FNDC3A: variants seen among roughly 807,000 people sequenced by gnomAD.
FNDC3A encodes the protein fibronectin type-III domain-containing protein 3A.
Under a neutral mutation model 148.9 loss-of-function variants are expected in FNDC3A, and 32 were observed. That is an observed-to-expected ratio of 0.21 (90% CI 0.16 to 0.29). The LOEUF is 0.29. Ranked by LOEUF, FNDC3A falls within the 10% of genes least tolerant of loss-of-function variation. The pLI is 1.00. For missense variants in FNDC3A, 1,191 were observed against 1,452.8 expected (o/e 0.82, Z 2.93); for synonymous variants, 472 against 473.6 (o/e 1.00, Z 0.04).
intron 4 of FNDC3A, among the ~76,000 whole-genome samples, chr13:49,123,061 C>T (rs1201614408): frequency 6.6e-6 from 1 of 152,100 alleles, no homozygotes; most frequent in East Asian, 1.9e-4. Flanking sequence ...AGAAAAAGAA[C>T]AGGGCTGGAG....
At chr13:49,083,760 G>A (rs1878632464) in intron 3 of FNDC3A, among the ~76,000 whole-genome samples, 1 of 152,178 alleles carries the variant, frequency 6.6e-6, no homozygotes, top group Admixed American at 6.5e-5. Flanking sequence ...AACAGCTATG[G>A]CTGTATAAAA....
rs1882376743 is a variant in FNDC3A, at chr13:49,136,599, A to G, written c.758A>G (p.Glu253Gly). The change falls in exon 6 of 26, where the codon GAA (glutamate) becomes GGA (glycine). Residue 253 changes from glutamate (E) to glycine (G), a missense_variant and splice_region_variant. Transcript: ENST00000492622. ...KGGTQVDTEI[E>G]EKDEETKAFE... ...GGTACACAAGTTGATACAGAAATTGAAGGTAACTGTTTGAAGTACTGAACT... is the reference window on the plus strand; with the variant it reads ...GGTACACAAGTTGATACAGAAATTGGAGGTAACTGTTTGAAGTACTGAACT... 1 of 1,611,296 alleles carries G rather than the reference A, an allele frequency of 6.2e-7. No individual in the cohort carries two copies. Among genetic ancestry groups the G allele is most frequent in the African/African-American group, 1.3e-5 (1 of 74,876 alleles).
At chr13:49,195,777 C>T (rs1057343970) in intron 19 of FNDC3A, among the ~76,000 whole-genome samples, 5 of 152,096 alleles carry the variant, frequency 3.3e-5, no homozygotes, top group Non-Finnish European at 7.4e-5. Flanking sequence ...GTTTTCGTAG[C>T]TGGCTGGGCC....
At chr13:49,038,959 G>C (rs1874711962) in intron 2 of FNDC3A, among the ~76,000 whole-genome samples, 1 of 152,116 alleles carries the variant, frequency 6.6e-6, no homozygotes, top group African/African-American at 2.4e-5. Context: ...TCACCCTCCA[G>C]AGAGGGACCT....
At chr13:49,064,532 A>G (rs1877131101) in intron 2 of FNDC3A, among the ~76,000 whole-genome samples, 1 of 151,954 alleles carries the variant, frequency 6.6e-6, no homozygotes, top group South Asian at 2.1e-4. Flanking sequence ...CACTGAGAGT[A>G]TTCTCCAAAG....
intron 5 of FNDC3A, among the ~76,000 whole-genome samples, chr13:49,134,839 C>CTTTT: frequency 2.4e-4 from 1 of 4,208 alleles, no homozygotes; most frequent in Non-Finnish European, 4.7e-4. Context: ...TGGAGTTTCA[C>CTTTT]TCTTTTTTTT....
chr13:49,126,473 C>T lies in FNDC3A; in HGVS notation c.253-4664C>T, dbSNP rs548251775. ...GCTCTCCATTTTCCTCTCCCCTAAGCTTATCTTTGTATTTTAAATGTTCTT... is the reference window on the plus strand; with the variant it reads ...GCTCTCCATTTTCCTCTCCCCTAAGTTTATCTTTGTATTTTAAATGTTCTT... On this transcript the variant is annotated intron_variant, in intron 4 of 25. Transcript: ENST00000492622. Among the ~76,000 whole-genome samples the T allele has an allele frequency of 2.0e-3, 298 of 152,242 alleles. 1 individual carries two copies. Among genetic ancestry groups the T allele is most frequent in the Non-Finnish European group, 3.8e-3 (255 of 67,996 alleles).
chr13:49,169,849 A>G (rs1884663703), intron 10 of FNDC3A, among the ~76,000 whole-genome samples: 2 of 152,200 alleles, frequency 1.3e-5, no homozygotes, highest in Non-Finnish European at 2.9e-5. Context: ...GCAGCTGTGT[A>G]TATATACATA....
At chr13:49,071,413 ATATGGTAGTTCTATTGT>A in intron 2 of FNDC3A, among the ~76,000 whole-genome samples, 1 of 152,258 alleles carries the variant, frequency 6.6e-6, no homozygotes, top group Non-Finnish European at 1.5e-5. Context: ...TTGCTGGGTC[ATATGGTAGTTCTATTGT>A]TTGTGTTTTG....
At chr13:49,178,781 C>A in intron 14 of FNDC3A, 127 bp downstream of exon 14, 1 of 536,408 alleles carries the variant, frequency 1.9e-6, no homozygotes, top group Non-Finnish European at 3.2e-6. Context: ...GTCACCCAAG[C>A]TGCTGCAGTG....
At chr13:49,112,795 G>A (rs1880659618) in intron 3 of FNDC3A, among the ~76,000 whole-genome samples, 1 of 152,044 alleles carries the variant, frequency 6.6e-6, no homozygotes. Flanking sequence ...GAATGATTAT[G>A]AGGAGAAAAA....
intron 1 of FNDC3A, among the ~76,000 whole-genome samples, chr13:48,979,480 A>T (rs1951661057): frequency 6.6e-6 from 1 of 152,122 alleles, no homozygotes; most frequent in Non-Finnish European, 1.5e-5. Flanking sequence ...AGTTGGAAGT[A>T]GTAGTAGAAT....
At position 49,188,614 on chromosome 13, in the gene FNDC3A, G is replaced by C; in HGVS notation, c.1925G>C (p.Ser642Thr). The C allele has an allele frequency of 6.2e-7, 1 of 1,610,664 alleles. No individual in the cohort carries two copies. ...CFYRLRVYCI[S>T]DGGQSAVSES... is the part of the protein sequence containing the mutation. ...TATCGTTTACGAGTTTACTGCATCA[G>C]TGATGGAGGACAGAGTGCGGTAATA... The change falls in exon 17 of 26, where the codon AGT (serine) becomes ACT (threonine). Residue 642 changes from serine (S) to threonine (T), a missense_variant. This residue lies in a region of FNDC3A where 751 missense variants were observed against 944.0 expected (regional missense o/e 0.80). Coordinates refer to ENST00000492622, the MANE Select transcript of FNDC3A (RefSeq NM_001079673.2).
rs1158669454 is a variant in FNDC3A at position 49,207,282 on chromosome 13, A to C, written c.3484A>C (p.Thr1162Pro). The change falls in exon 26 of 26, where the codon ACA (threonine) becomes CCA (proline). Residue 1162 changes from threonine to proline, a missense_variant. By Grantham distance (38) the Thr-to-Pro change is conservative (BLOSUM62 -1). Transcript: ENST00000492622. ...CACCAACAGAGACACTGTGGAAAGC[A>C]CAAGGACCCGACGGGCACTGAGTGA... ...ASTNRDTVES[T>P]RTRRALSDEQ... is the part of the protein sequence containing the mutation. The C allele has an allele frequency of 6.2e-7, 1 of 1,614,220 alleles. No homozygotes were observed.
Position 49,197,993 on chromosome 13 carries a change from T to C in FNDC3A, c.2502T>C (p.Val834=). The change falls in exon 22 of 26, where the codon GTT becomes GTC. Residue 834 remains valine (V), a synonymous_variant. Coordinates refer to ENST00000492622, the MANE Select transcript of FNDC3A (RefSeq NM_001079673.2). The part of the protein sequence containing the change: ...TYYCRVQALS[V]VGAGPFSEVV... ...CTGTTAATTTGTAGGCTCTGAGTGT[T>C]GTGGGTGCAGGCCCTTTCAGTGAAG... The C allele has an allele frequency of 1.2e-6, 2 of 1,612,716 alleles. No homozygotes were observed. The highest frequency in any genetic ancestry group is 1.7e-6 in the Non-Finnish European group (2 of 1,179,112).
intron 8 of FNDC3A, among the ~76,000 whole-genome samples, chr13:49,162,544 G>T (rs762260343): frequency 6.6e-6 from 1 of 152,018 alleles, no homozygotes; most frequent in Non-Finnish European, 1.5e-5. Flanking sequence ...TCCTTGTGAC[G>T]GGTTCAAACA....
At chr13:48,984,871 G>A (rs893488718) in intron 1 of FNDC3A, among the ~76,000 whole-genome samples, 1 of 152,028 alleles carries the variant, frequency 6.6e-6, no homozygotes, top group Non-Finnish European at 1.5e-5. Context: ...TTTTAGTAGA[G>A]ACGGGGTTTC....
At chr13:49,195,483 T>C (rs1397392250) in intron 19 of FNDC3A, among the ~76,000 whole-genome samples, 1 of 152,214 alleles carries the variant, frequency 6.6e-6, no homozygotes, top group Non-Finnish European at 1.5e-5. Flanking sequence ...GAAAAACTTT[T>C]TAAAATTTTA....
chr13:49,024,593 G>A (rs916224746), intron 2 of FNDC3A, among the ~76,000 whole-genome samples: 1 of 151,918 alleles, frequency 6.6e-6, no homozygotes, highest in African/African-American at 2.4e-5. Flanking sequence ...ATCAGTAAGT[G>A]TGATACATGA....
Sources: gnomAD v4.1 joint callset for allele counts (sites outside exome capture counted in the v4.1 genomes callset) on GRCh38, gnomAD v4.1.1 for gene constraint, gnomAD v4.1.1 regional missense constraint, MANE v1.5 for transcripts, NCBI Gene and HGNC (gene_info 2026-07-23, HGNC 2026-07-21) for gene names.